KCNIP4: variants seen among roughly 807,000 people sequenced by gnomAD.
The protein encoded by KCNIP4 is potassium voltage-gated channel interacting protein 4.
In KCNIP4, 12 loss-of-function variants were observed where a neutral mutation model predicts 34.0. The ratio of observed to expected loss-of-function variants is 0.35; its 90% confidence interval spans 0.23 to 0.57. The LOEUF is 0.57. Among genes scored for constraint, KCNIP4 ranks in the 20% least tolerant of loss-of-function variants. KCNIP4 has a pLI of 0.83. For synonymous variants in KCNIP4, 124 were observed against 102.2 expected (o/e 1.21, Z -1.29); for missense variants, 238 against 311.7 (o/e 0.76, Z 1.78).
intron 1 of KCNIP4, among the ~76,000 whole-genome samples, chr4:21,832,144 T>C (rs1037876234): frequency 6.6e-6 from 1 of 152,178 alleles, no homozygotes; most frequent in Non-Finnish European, 1.5e-5. Flanking sequence ...AAAAATCATA[T>C]AATTCTTTCA....
At chr4:21,571,893 A>G (rs1290216231) in intron 1 of KCNIP4, among the ~76,000 whole-genome samples, 1 of 152,206 alleles carries the variant, frequency 6.6e-6, no homozygotes, top group Non-Finnish European at 1.5e-5. Flanking sequence ...GCTTACATTA[A>G]TACCCCATTA....
intron 1 of KCNIP4, among the ~76,000 whole-genome samples, chr4:20,942,265 C>T (rs1731718631): frequency 1.3e-5 from 2 of 152,280 alleles, no homozygotes; most frequent in Admixed American, 1.3e-4. Flanking sequence ...ATAATTTCCC[C>T]ATCTTAACCA....
intron 1 of KCNIP4, among the ~76,000 whole-genome samples, chr4:20,994,638 C>T (rs569146059): frequency 2.7e-4 from 41 of 152,162 alleles, no homozygotes; most frequent in Non-Finnish European, 5.4e-4. Context: ...CCCTACAGTA[C>T]CCAGAACTGG....
chr4:21,033,041 T>G (rs878929412), intron 1 of KCNIP4, among the ~76,000 whole-genome samples: 2 of 152,086 alleles, frequency 1.3e-5, no homozygotes, highest in Admixed American at 1.3e-4. Context: ...TATTAGACAG[T>G]TAGGAGGCTT....
At chr4:20,766,462 AG>A (rs1203257508) in intron 3 of KCNIP4, among the ~76,000 whole-genome samples, 3 of 152,202 alleles carry the variant, frequency 2.0e-5, no homozygotes, top group Non-Finnish European at 4.4e-5. Flanking sequence ...ACTACCCAGC[AG>A]GCTGAGGCAG....
chr4:21,341,026 A>G (rs896250737), intron 1 of KCNIP4, among the ~76,000 whole-genome samples: 14 of 152,136 alleles, frequency 9.2e-5, no homozygotes, highest in Non-Finnish European at 1.3e-4. Flanking sequence ...AGTGGGCCCT[A>G]ATTTCAATAA....
chr4:21,450,303 G>A (rs62295494), intron 1 of KCNIP4, among the ~76,000 whole-genome samples: 6,341 of 152,154 alleles, frequency 0.042, 208 homozygotes, highest in African/African-American at 0.076. Context: ...GAAGAAATGA[G>A]CATTTGCTTT....
At chr4:21,477,201 T>C (rs993566400) in intron 1 of KCNIP4, among the ~76,000 whole-genome samples, 18 of 152,318 alleles carry the variant, frequency 1.2e-4, no homozygotes, top group Admixed American at 4.6e-4. Flanking sequence ...AGTTTTTCTA[T>C]TCAGGTTTTT....
chr4:21,292,102 T>C (rs1022240796), intron 1 of KCNIP4, among the ~76,000 whole-genome samples: 2 of 152,188 alleles, frequency 1.3e-5, no homozygotes, highest in African/African-American at 4.8e-5. Flanking sequence ...GAGAGTTTTT[T>C]CTTAAGCATT....
intron 1 of KCNIP4, among the ~76,000 whole-genome samples, chr4:21,692,958 G>A (rs889119668): frequency 2.6e-5 from 4 of 151,600 alleles, no homozygotes; most frequent in Non-Finnish European, 5.9e-5. Flanking sequence ...GCTGGGCTGG[G>A]GGATGAGAGA....
chr4:21,590,808 C>T (rs1316121724), intron 1 of KCNIP4, among the ~76,000 whole-genome samples: 2 of 151,904 alleles, frequency 1.3e-5, no homozygotes, highest in East Asian at 1.9e-4. Context: ...ATCAGTAAGG[C>T]TATGCTTATA....
chr4:21,725,014 C>T (rs1440063105), intron 1 of KCNIP4, among the ~76,000 whole-genome samples: 1 of 152,092 alleles, frequency 6.6e-6, no homozygotes, highest in African/African-American at 2.4e-5. Flanking sequence ...ACAGAAGTTC[C>T]TGTGAGATGT....
At chr4:20,973,013 G>C (rs991617760) in intron 1 of KCNIP4, among the ~76,000 whole-genome samples, 1 of 152,198 alleles carries the variant, frequency 6.6e-6, no homozygotes, top group Non-Finnish European at 1.5e-5. Context: ...TCCTGGTGAA[G>C]TCTAGGTTGG....
chr4:20,816,409 G>A (rs1187830443), intron 3 of KCNIP4, among the ~76,000 whole-genome samples: 1 of 152,154 alleles, frequency 6.6e-6, no homozygotes, highest in Non-Finnish European at 1.5e-5. Context: ...AAAGCAAAGG[G>A]AAGTCGGGAC....
At chr4:21,865,052 C>T (rs1050597103) in intron 1 of KCNIP4, among the ~76,000 whole-genome samples, 5 of 151,604 alleles carry the variant, frequency 3.3e-5, no homozygotes, top group Non-Finnish European at 7.4e-5. Context: ...ATGCATGGTC[C>T]CAAGGAGCTA....
chr4:21,780,514 C>T (rs1227082700), intron 1 of KCNIP4, among the ~76,000 whole-genome samples: 1 of 151,970 alleles, frequency 6.6e-6, no homozygotes, highest in African/African-American at 2.4e-5. Flanking sequence ...TAGAGGAAAC[C>T]ACATGCATTT....
chr4:21,713,998 A>C (rs1449951281), intron 1 of KCNIP4, among the ~76,000 whole-genome samples: 1 of 152,142 alleles, frequency 6.6e-6, no homozygotes, highest in Non-Finnish European at 1.5e-5. Context: ...ATTCTAAACA[A>C]ATTATAATAA....
chr4:21,229,995 T>C (rs1289025575), intron 1 of KCNIP4, among the ~76,000 whole-genome samples: 2 of 152,180 alleles, frequency 1.3e-5, no homozygotes, highest in African/African-American at 2.4e-5. Flanking sequence ...GAAGTCAGAA[T>C]GTAATCTTAT....
At chr4:21,812,907 T>C (rs542264171) in intron 1 of KCNIP4, among the ~76,000 whole-genome samples, 40 of 152,268 alleles carry the variant, frequency 2.6e-4, no homozygotes, top group African/African-American at 9.4e-4. Context: ...ATAGGATTCC[T>C]ATGCCAGGAT....
Sources: allele counts gnomAD v4.1 joint callset (sites outside exome capture counted in the v4.1 genomes callset), GRCh38; gene constraint gnomAD v4.1.1; transcripts MANE v1.5; gene names NCBI Gene and HGNC (gene_info 2026-07-23, HGNC 2026-07-21).